Variants in HMGCLL1 observed in about 807,000 individuals in gnomAD.
HMGCLL1 encodes the protein 3-hydroxymethyl-3-methylglutaryl-CoA lyase, cytoplasmic.
Under a neutral mutation model 39.1 loss-of-function variants are expected in HMGCLL1, and 36 were observed. The observed-to-expected ratio is 0.92, with a 90% CI of 0.71 to 1.22. The LOEUF is 1.22. Among genes scored for constraint, HMGCLL1 ranks in the 50% most tolerant of loss-of-function variants. The pLI is 0.00. For missense variants in HMGCLL1, 451 were observed against 416.5 expected (o/e 1.08, Z -0.72); for synonymous variants, 149 against 144.0 (o/e 1.03, Z -0.25).
At chr6:55,596,126 A>G in the HMGCLL1 span, among the ~76,000 whole-genome samples, 1 of 152,158 alleles carries the variant, frequency 6.6e-6, no homozygotes, top group South Asian at 2.1e-4. Flanking sequence ...GGAGTTTGAG[A>G]GCAGCCTGAC....
chr6:55,539,556 A>G (rs892311004), intron 3 of HMGCLL1, among the ~76,000 whole-genome samples: 1 of 152,036 alleles, frequency 6.6e-6, no homozygotes, highest in Non-Finnish European at 1.5e-5. Context: ...ATGAAGCTGG[A>G]GGCCATTATC....
At chr6:55,539,379 C>T (rs1478041115) in intron 3 of HMGCLL1, among the ~76,000 whole-genome samples, 1 of 152,094 alleles carries the variant, frequency 6.6e-6, no homozygotes, top group Non-Finnish European at 1.5e-5. Context: ...ATCATAAAGA[C>T]ACATGCATGT....
At chr6:55,655,511 G>T in the HMGCLL1 span, among the ~76,000 whole-genome samples, 1 of 148,564 alleles carries the variant, frequency 6.7e-6, no homozygotes, top group East Asian at 2.0e-4. Flanking sequence ...TAGAGAGATA[G>T]TTGGATAGGT....
At chr6:55,678,657 A>T in the HMGCLL1 span, among the ~76,000 whole-genome samples, 4,162 of 152,264 alleles carry the variant, frequency 0.027, 196 homozygotes, top group African/African-American at 0.094. Flanking sequence ...CAAAAAAACT[A>T]GTTTTACATT....
chr6:55,623,548 A>G, the HMGCLL1 span, among the ~76,000 whole-genome samples: 5 of 151,738 alleles, frequency 3.3e-5, no homozygotes, highest in African/African-American at 9.7e-5. Flanking sequence ...GTGTTTATAT[A>G]CATACACATA....
chr6:55,474,563 G>T (rs1412838410), intron 7 of HMGCLL1, among the ~76,000 whole-genome samples: 10 of 151,236 alleles, frequency 6.6e-5, no homozygotes, highest in Non-Finnish European at 1.0e-4. Flanking sequence ...TCACATATTA[G>T]TCATAGTTAA....
At chr6:55,510,468 A>T (rs940533451) in intron 5 of HMGCLL1, among the ~76,000 whole-genome samples, 2 of 151,754 alleles carry the variant, frequency 1.3e-5, no homozygotes, top group African/African-American at 4.8e-5. Flanking sequence ...GCCATAAAAA[A>T]TGATGAGTTC....
At chr6:55,649,673 C>A in the HMGCLL1 span, among the ~76,000 whole-genome samples, 2 of 151,912 alleles carry the variant, frequency 1.3e-5, no homozygotes, top group South Asian at 2.1e-4. Flanking sequence ...AAACTTTCTA[C>A]CCCTATCTCT....
the HMGCLL1 span, among the ~76,000 whole-genome samples, chr6:55,664,176 G>A: frequency 6.6e-6 from 1 of 151,782 alleles, no homozygotes; most frequent in Non-Finnish European, 1.5e-5. Context: ...TCACATTCAA[G>A]GTTAGTATTG....
At chr6:55,641,204 A>G in the HMGCLL1 span, among the ~76,000 whole-genome samples, 1 of 151,766 alleles carries the variant, frequency 6.6e-6, no homozygotes, top group Non-Finnish European at 1.5e-5. Context: ...GCTATTATAA[A>G]AGACAGGAAG....
In HMGCLL1 at chr6:55,516,510, C is replaced by T; in HGVS notation, c.391G>A (p.Ala131Thr). 1 of 1,584,842 alleles carries T rather than the reference C, an allele frequency of 6.3e-7. No homozygotes were observed. The change falls in exon 4 of 9, where the codon GCT (alanine) becomes ACT (threonine). Residue 131 changes from alanine (A) to threonine (T), a missense_variant and splice_region_variant. Coordinates refer to ENST00000274901, the MANE Select transcript of HMGCLL1 (RefSeq NM_001042406.2). ...LTPNLQGFHH[A>T]VAAGATEISV... is the part of the protein sequence containing the mutation. ...AGAGATATTAGTAGCACACTTACAGCATGGTGAAAACCCTGAAGATTAGGA... is the reference window on the plus strand; with the variant it reads ...AGAGATATTAGTAGCACACTTACAGTATGGTGAAAACCCTGAAGATTAGGA...
In HMGCLL1 at chr6:55,522,474, T is replaced by A. The variant is rs568149552; in HGVS notation, c.298-5871A>T. Among the ~76,000 whole-genome samples the A allele has an allele frequency of 7.9e-5, 12 of 152,066 alleles. No individual in the cohort carries two copies. In the South Asian group the frequency reaches 1.5e-3, roughly 18 times the overall value. ...ATAACATGCAATGTGGGATGTTCAA[T>A]AAAGTGAAATAAATATTTACTTTAA... On this transcript the variant is annotated intron_variant, in intron 3 of 8. Coordinates refer to ENST00000274901, the MANE Select transcript of HMGCLL1 (RefSeq NM_001042406.2).
intron 7 of HMGCLL1, among the ~76,000 whole-genome samples, chr6:55,480,534 A>G (rs1486580700): frequency 6.6e-6 from 1 of 151,690 alleles, no homozygotes; most frequent in Non-Finnish European, 1.5e-5. Context: ...TATTAGTACA[A>G]CCACTACGGA....
chr6:55,471,471 C>T (rs1299437999), intron 7 of HMGCLL1, among the ~76,000 whole-genome samples: 2 of 151,672 alleles, frequency 1.3e-5, no homozygotes, highest in East Asian at 1.9e-4. Flanking sequence ...GCACAAATCA[C>T]CAATAGTATG....
chr6:55,638,695 C>A, the HMGCLL1 span, among the ~76,000 whole-genome samples: 1 of 152,108 alleles, frequency 6.6e-6, no homozygotes, highest in Non-Finnish European at 1.5e-5. Context: ...GCTGCCTAAT[C>A]CACAGGATTC....
chr6:55,642,187 C>T, the HMGCLL1 span, among the ~76,000 whole-genome samples: 1 of 144,608 alleles, frequency 6.9e-6, no homozygotes, highest in Non-Finnish European at 1.5e-5. Flanking sequence ...CGATAGTTTA[C>T]TGAGAATGAT....
At chr6:55,582,848 G>A (rs1581975778), upstream of HMGCLL1, among the ~76,000 whole-genome samples, 1 of 151,858 alleles carries the variant, frequency 6.6e-6, no homozygotes, top group East Asian at 1.9e-4. Context: ...GCTATTGGCT[G>A]TACGATACCT....
intron 6 of HMGCLL1, among the ~76,000 whole-genome samples, chr6:55,498,961 A>T (rs6906310): frequency 0.63 from 95,981 of 151,886 alleles, 30,555 homozygotes; most frequent in Non-Finnish European, 0.68. Flanking sequence ...CGTTATAGCC[A>T]CAAAAAAACA....
At chr6:55,473,308 T>C (rs1324413937) in intron 7 of HMGCLL1, among the ~76,000 whole-genome samples, 1 of 151,506 alleles carries the variant, frequency 6.6e-6, no homozygotes, top group Non-Finnish European at 1.5e-5. Context: ...GTCATTACAT[T>C]CTTTTTTCTC....
Sources: gnomAD v4.1 joint callset for allele counts (sites outside exome capture counted in the v4.1 genomes callset) on GRCh38, gnomAD v4.1.1 for gene constraint, MANE v1.5 for transcripts, NCBI Gene and HGNC (gene_info 2026-07-23, HGNC 2026-07-21) for gene names.